The following MAP3K3 variants were observed in gnomAD, a reference collection of about 807,000 sequenced individuals.
The protein encoded by MAP3K3 is mitogen-activated protein kinase kinase kinase 3.
A neutral mutation model predicts 80.9 loss-of-function variants in MAP3K3; 12 were observed. That is an observed-to-expected ratio of 0.15 (90% CI 0.10 to 0.24). The LOEUF (loss-of-function observed/expected upper bound fraction) is 0.24. Among genes scored for constraint, MAP3K3 ranks in the 10% least tolerant of loss-of-function variants. MAP3K3 has a pLI of 1.00. For missense variants in MAP3K3, 596 were observed against 834.7 expected, an observed-to-expected ratio of 0.71 and a Z score of 3.52; for synonymous variants, 272 against 307.1, an observed-to-expected ratio of 0.89 and a Z score of 1.19.
Position 63,692,344 on chromosome 17 carries a change from C to T in MAP3K3, c.1577C>T (p.Ser526Phe). The T allele has an allele frequency of 6.2e-7, 1 of 1,613,906 alleles. No individual in the cohort carries two copies. The highest frequency in any genetic ancestry group is 8.5e-7 in the Non-Finnish European group (1 of 1,180,018). ...TGTATGTCGGGGACGGGCATGCGCT[C>T]CGTCACTGGCACACCCTACTGGATG... Reference protein sequence around the residue: ...TICMSGTGMRSVTGTPYWMSP... With the variant: ...TICMSGTGMRFVTGTPYWMSP... Residue 526 changes from serine to phenylalanine, a missense_variant, in exon 15 of 16, where the codon TCC becomes TTC. Around this residue, in one of 2 missense-constraint regions of MAP3K3, gnomAD observed 364 missense variants for 588.9 expected, o/e 0.62. Coordinates refer to ENST00000361733, the MANE Select transcript of MAP3K3 (RefSeq NM_002401.5). This position sits in a 1 kb window ranked among gnomAD's most constrained non-coding sequence, Gnocchi z 4.5.
intron 4 of MAP3K3, among the ~76,000 whole-genome samples, chr17:63,656,945 G>A (rs541140201): frequency 3.9e-5 from 6 of 152,276 alleles, no homozygotes; most frequent in East Asian, 3.9e-4. Flanking sequence ...TTCATATGGC[G>A]ACAGGAGAGA....
chr17:63,630,745 A>G (rs1383863228), intron 1 of MAP3K3, among the ~76,000 whole-genome samples: 1 of 152,152 alleles, frequency 6.6e-6, no homozygotes, highest in African/African-American at 2.4e-5. Context: ...CTCCTCATTC[A>G]TTATCCCCTT....
Position 63,652,655 on chromosome 17 carries a change from A to G in MAP3K3, c.266A>G (p.Glu89Gly). ...CTTGATCTACATTACATGAACAATG[A>G]GGTGAGAAGGCAGATGGATGGGGCA... is the stretch of plus-strand genomic sequence containing the variant. ...QPLDLHYMNNELSILLKNQDD... is the reference protein window; with the variant it reads ...QPLDLHYMNNGLSILLKNQDD... Residue 89 changes from glutamate (E) to glycine (G), a missense_variant and splice_region_variant, in exon 4 of 16, where the codon GAG (glutamate) becomes GGG (glycine). Physicochemically the swap from Glu to Gly is moderately conservative, Grantham distance 98 (BLOSUM62 -2). Coordinates refer to ENST00000361733, the MANE Select transcript of MAP3K3 (RefSeq NM_002401.5). 1 of 1,606,404 alleles carries G rather than the reference A, an allele frequency of 6.2e-7. No homozygotes were observed. The highest frequency in any genetic ancestry group is 8.5e-7 in the Non-Finnish European group (1 of 1,172,986).
chr17:63,652,635 T>A lies in MAP3K3; in HGVS notation c.246T>A (p.Asp82Glu). 6.2e-7 allele frequency: 1 copy of A among 1,613,256 alleles called. No individual in the cohort carries two copies. Among genetic ancestry groups the A allele is most frequent in the Non-Finnish European group, 8.5e-7 (1 of 1,179,154 alleles). The change falls in exon 4 of 16, where the codon GAT (aspartate) becomes GAA (glutamate). Residue 82 changes from aspartate (D) to glutamate (E), a missense_variant. Physicochemically the swap from Asp to Glu is conservative, Grantham distance 45 (BLOSUM62 2). Transcript: ENST00000361733. ...CAACAGTATTTGGACAACCTCTTGA[T>A]CTACATTACATGAACAATGAGGTGA... ...KVTTVFGQPL[D>E]LHYMNNELSI...
intron 4 of MAP3K3, among the ~76,000 whole-genome samples, chr17:63,655,017 C>T (rs1016990142): frequency 1.3e-5 from 2 of 151,812 alleles, no homozygotes; most frequent in East Asian, 1.9e-4. Flanking sequence ...AGAGTTGAGA[C>T]TCTGTCTCAA....
intron 6 of MAP3K3, among the ~76,000 whole-genome samples, chr17:63,668,990 A>T (rs1349171647): frequency 1.3e-5 from 2 of 152,180 alleles, no homozygotes; most frequent in Non-Finnish European, 2.9e-5. Context: ...GTAGAGAGAG[A>T]TATCTCAGGC....
At chr17:63,659,626 G>A (rs539087385) in intron 5 of MAP3K3, among the ~76,000 whole-genome samples, 17 of 141,762 alleles carry the variant, frequency 1.2e-4, no homozygotes, top group African/African-American at 4.0e-4. Context: ...TCCACCTCCC[G>A]GGTTCAAGCA....
At chr17:63,624,268 C>T (rs2034055342) in intron 1 of MAP3K3, among the ~76,000 whole-genome samples, 1 of 152,128 alleles carries the variant, frequency 6.6e-6, no homozygotes, top group South Asian at 2.1e-4. Context: ...TTGAATAAAT[C>T]TTCGAATTGA....
chr17:63,629,369 C>A (rs56109069), intron 1 of MAP3K3, among the ~76,000 whole-genome samples: 1 of 152,184 alleles, frequency 6.6e-6, no homozygotes, highest in Non-Finnish European at 1.5e-5. Context: ...AAGTGATCCA[C>A]GCATCTTGGC....
At chr17:63,690,703 G>T (rs1329865765) in intron 12 of MAP3K3, 3 of 451,366 alleles carry the variant, frequency 6.6e-6, no homozygotes, top group South Asian at 2.8e-5. Flanking sequence ...CCCTCCCCTA[G>T]ACAAGTATCT....
chr17:63,695,864 CT>C lies in MAP3K3; in HGVS notation c.*2088del, dbSNP rs1260544293. On this transcript the variant is annotated 3_prime_UTR_variant, in exon 16 of 16. Coordinates refer to ENST00000361733, the MANE Select transcript of MAP3K3 (RefSeq NM_002401.5). The surrounding 1 kb of genome is among the most constrained non-coding windows in gnomAD (Gnocchi z 4.1). The stretch of plus-strand genomic sequence containing the variant: ...GACCCTAATTTTTTTGTGCCAAAAA[CT>C]GTGGACATGCTGGCTCAGCATCCTC... The C allele has an allele frequency of 1.3e-5, 2 of 152,696 alleles. No homozygotes were observed. Among genetic ancestry groups the C allele is most frequent in the Non-Finnish European group, 2.9e-5 (2 of 68,028 alleles). The allele number at this position is 152,696 out of a possible 1,614,324, so 9.5% of individuals were successfully genotyped here.
At chr17:63,652,212 A>T (rs1396534006) in intron 3 of MAP3K3, among the ~76,000 whole-genome samples, 3 of 151,912 alleles carry the variant, frequency 2.0e-5, no homozygotes, top group Non-Finnish European at 4.4e-5. Context: ...CCCAGTGTGT[A>T]TTGTTCCCCC....
Position 63,689,808 on chromosome 17 carries a change from G to A in MAP3K3, c.1063+73G>A. 1 of 1,449,886 alleles carries A rather than the reference G, an allele frequency of 6.9e-7. No homozygotes were observed. 89.8% of individuals were successfully genotyped at this position (1,449,886 alleles called of 1,614,324 possible). On this transcript the variant is annotated intron_variant, in intron 11 of 15. Coordinates refer to ENST00000361733, the MANE Select transcript of MAP3K3 (RefSeq NM_002401.5). The surrounding 1 kb of genome is among the most constrained non-coding windows in gnomAD (Gnocchi z 4.3). ...ACAAGCTACGGGGGCAAACAGCTGG[G>A]CCCCTGGGACCCTTAGGCTCAGCAG...
At chr17:63,690,462 G>A in intron 12 of MAP3K3, 50 bp downstream of exon 12, 1 of 1,590,828 alleles carries the variant, frequency 6.3e-7, no homozygotes, top group Non-Finnish European at 8.6e-7. Context: ...CAACAAAAAT[G>A]CCTGTCTTAC....
At chr17:63,643,837 G>A (rs930232232) in intron 2 of MAP3K3, among the ~76,000 whole-genome samples, 2 of 151,910 alleles carry the variant, frequency 1.3e-5, no homozygotes, top group Non-Finnish European at 2.9e-5. Flanking sequence ...CTCTTGTCAT[G>A]GTAACTGTTT....
chr17:63,636,899 T>G, intron 2 of MAP3K3: 1 of 475,954 alleles, frequency 2.1e-6, no homozygotes, highest in African/African-American at 2.1e-5. Flanking sequence ...GAGACCAATA[T>G]AGCCCAATTG....
chr17:63,686,787 A>T (rs868051830), intron 8 of MAP3K3, among the ~76,000 whole-genome samples: 7 of 152,128 alleles, frequency 4.6e-5, no homozygotes, highest in African/African-American at 1.7e-4. Flanking sequence ...TTTTCTTCTC[A>T]TTGTGAATGA....
chr17:63,658,716 A>G (rs1237789177), intron 5 of MAP3K3, among the ~76,000 whole-genome samples: 1 of 149,126 alleles, frequency 6.7e-6, no homozygotes, highest in Non-Finnish European at 1.5e-5. Flanking sequence ...AATGCTGCTC[A>G]TGCTGACCAT....
chr17:63,647,077 T>C (rs570205558), intron 3 of MAP3K3, among the ~76,000 whole-genome samples: 1 of 152,338 alleles, frequency 6.6e-6, no homozygotes, highest in East Asian at 1.9e-4. Flanking sequence ...TCTCTACAGT[T>C]GGTACCTTTC....
Sources: allele counts gnomAD v4.1 joint callset (sites outside exome capture counted in the v4.1 genomes callset), GRCh38; gene constraint gnomAD v4.1.1; regional missense constraint gnomAD v4.1.1; non-coding constraint Gnocchi (gnomAD v3.1); transcripts MANE v1.5; gene names NCBI Gene and HGNC (gene_info 2026-07-23, HGNC 2026-07-21).